COL22A1: variants seen among roughly 807,000 people sequenced by gnomAD.
COL22A1 encodes the protein collagen type XXII alpha 1 chain.
A neutral mutation model predicts 248.9 loss-of-function variants in COL22A1; 221 were observed. The observed-to-expected ratio is 0.89, with a 90% CI of 0.80 to 0.99. The LOEUF (loss-of-function observed/expected upper bound fraction) is 0.99. Among genes scored for constraint, COL22A1 ranks in the 50% least tolerant of loss-of-function variants. The pLI, the probability that COL22A1 is intolerant of heterozygous loss-of-function variation, is 0.00. For missense variants in COL22A1, 2,240 were observed against 2,179.0 expected, an observed-to-expected ratio of 1.03 and a Z score of -0.56; for synonymous variants, 891 against 793.4, an observed-to-expected ratio of 1.12 and a Z score of -2.07.
chr8:138,883,316 G>A (rs901011089), intron 1 of COL22A1, 72 bp from the exon 2 acceptor site: 11 of 797,046 alleles, frequency 1.4e-5, no homozygotes, highest in Non-Finnish European at 1.9e-5. Flanking sequence ...TCTGGGCCCT[G>A]CCCAGGGGGA....
At chr8:138,599,085 A>G (rs771150714) in intron 60 of COL22A1, among the ~76,000 whole-genome samples, 187 bp from the exon 61 acceptor site, 7 of 152,238 alleles carry the variant, frequency 4.6e-5, no homozygotes, top group Non-Finnish European at 1.0e-4. Context: ...TCCTGATTGT[A>G]CAAATGAAAA....
chr8:138,883,108 C>A lies in COL22A1; in HGVS notation c.65G>T (p.Gly22Val), dbSNP rs765957770. Reference sequence around the variant, plus strand: ...TGCCCGCTGAGCCTGGCAGCCGCCGCCCCCACTCCACAGCAGCAGCATCCA... The same window carrying A: ...TGCCCGCTGAGCCTGGCAGCCGCCGACCCCACTCCACAGCAGCAGCATCCA... The part of the protein sequence containing the change: ...LLWMLLLWSG[G>V]GGCQAQRAGC... The change falls in exon 2 of 65, where the codon GGC (glycine) becomes GTC (valine). Residue 22 changes from glycine to valine, a missense_variant. Transcript: ENST00000303045. The A allele has an allele frequency of 6.3e-7, 1 of 1,595,010 alleles. No individual in the cohort carries two copies. The highest frequency in any genetic ancestry group is 1.7e-5 in the Admixed American group (1 of 57,638).
chr8:138,598,664 G>T (rs1817745056), intron 61 of COL22A1, 55 bp downstream of exon 61: 1 of 1,524,410 alleles, frequency 6.6e-7, no homozygotes, highest in African/African-American at 1.4e-5. Context: ...CACTTCCCTG[G>T]CTCCCCCTTA....
Position 138,694,838 on chromosome 8 carries a change from C to A in COL22A1, c.2634G>T (p.Leu878=). ...ACAAGAGACTCACCGGTTCCCCAGG[C>A]AGGCCTGGATCGCCCTTCTCTCCTT... The part of the protein sequence containing the change: ...GPKGEKGDPG[L]PGEPGLQGRP... Residue 878 remains leucine, a synonymous_variant, in exon 33 of 65, where the codon CTG becomes CTT. Coordinates refer to ENST00000303045, the MANE Select transcript of COL22A1 (RefSeq NM_152888.3). The A allele has an allele frequency of 6.2e-7, 1 of 1,614,062 alleles. No individual in the cohort carries two copies. Among genetic ancestry groups the A allele is most frequent in the Non-Finnish European group, 8.5e-7 (1 of 1,179,982 alleles).
intron 47 of COL22A1, among the ~76,000 whole-genome samples, chr8:138,640,754 A>T (rs1401235740): frequency 6.6e-6 from 1 of 152,184 alleles, no homozygotes; most frequent in Non-Finnish European, 1.5e-5. Context: ...CCCCTTGTTC[A>T]GTTCTCGCAT....
At chr8:138,590,014 CAAGT>C (rs1333495952) in intron 64 of COL22A1, among the ~76,000 whole-genome samples, 3 of 151,904 alleles carry the variant, frequency 2.0e-5, no homozygotes, top group African/African-American at 4.8e-5. Flanking sequence ...ATCTAGGATG[CAAGT>C]AAGTGACACT....
intron 39 of COL22A1, among the ~76,000 whole-genome samples, chr8:138,680,300 G>A (rs1279655792): frequency 6.6e-6 from 1 of 152,124 alleles, no homozygotes; most frequent in Non-Finnish European, 1.5e-5. Context: ...ATCTCCTGAG[G>A]AGCCCTGTAG....
intron 1 of COL22A1, among the ~76,000 whole-genome samples, chr8:138,894,053 G>A (rs1825236506): frequency 6.6e-6 from 1 of 152,224 alleles, no homozygotes; most frequent in South Asian, 2.1e-4. Context: ...AAGGAGCACA[G>A]TAGTTTGGAG....
chr8:138,862,768 T>A (rs1822579494), intron 3 of COL22A1, among the ~76,000 whole-genome samples: 1 of 152,078 alleles, frequency 6.6e-6, no homozygotes, highest in South Asian at 2.1e-4. Context: ...GGTTTTTTTT[T>A]TTTTTTTTCA....
In COL22A1 at chr8:138,865,497, G is replaced by A. The variant is rs539223890; in HGVS notation, c.658+12253C>T. 2.1e-5 allele frequency among the ~76,000 whole-genome samples: 3 copies of A among 144,496 alleles called. No individual in the cohort carries two copies. The South Asian group carries it at 6.3e-4, about 31-fold the overall frequency. 94.8% of individuals were successfully genotyped at this position (144,496 alleles called of 152,430 possible). A position where few individuals can be genotyped will look rare whatever the true frequency, so the allele number is the denominator to read the frequency against. ...CTTATGTTTGTATGCATGTGTATGT[G>A]TGTGTATGTTTGTATGCCTGTGTGT... On this transcript the variant is annotated intron_variant, in intron 3 of 64. Coordinates refer to ENST00000303045, the MANE Select transcript of COL22A1 (RefSeq NM_152888.3).
chr8:138,628,978 C>G (rs960840593), intron 50 of COL22A1, among the ~76,000 whole-genome samples: 1 of 150,404 alleles, frequency 6.6e-6, no homozygotes, highest in African/African-American at 2.5e-5. Context: ...CCAGGCTGAT[C>G]TTGAACTCCT....
intron 1 of COL22A1, among the ~76,000 whole-genome samples, chr8:138,885,604 GGA>G (rs1824607129): frequency 6.6e-6 from 1 of 151,702 alleles, no homozygotes; most frequent in South Asian, 2.1e-4. Context: ...TTTTTCTGAT[GGA>G]GTTTCACTCT....
chr8:138,674,342 C>T (rs1284975058), intron 41 of COL22A1, among the ~76,000 whole-genome samples: 1 of 152,098 alleles, frequency 6.6e-6, no homozygotes, highest in African/African-American at 2.4e-5. Context: ...CCCACGCTGA[C>T]CCCTTCTTCA....
At chr8:138,858,728 G>A (rs1489253368) in intron 3 of COL22A1, among the ~76,000 whole-genome samples, 1 of 152,162 alleles carries the variant, frequency 6.6e-6, no homozygotes, top group African/African-American at 2.4e-5. Context: ...TGAGCAGGCA[G>A]GCAGGCAGGA....
intron 27 of COL22A1, among the ~76,000 whole-genome samples, chr8:138,719,626 G>A (rs1018852284): frequency 6.6e-6 from 1 of 152,122 alleles, no homozygotes; most frequent in African/African-American, 2.4e-5. Flanking sequence ...GGAACATAAG[G>A]GCCCGGGATG....
intron 37 of COL22A1, 149 bp from the exon 38 acceptor site, chr8:138,685,461 A>C (rs1183732553): frequency 4.2e-6 from 3 of 707,396 alleles, no homozygotes; most frequent in Admixed American, 5.4e-5. Flanking sequence ...AGAAAGATGG[A>C]CTGTGTAATG....
intron 16 of COL22A1, among the ~76,000 whole-genome samples, chr8:138,771,580 G>A (rs571077673): frequency 3.3e-5 from 5 of 152,320 alleles, no homozygotes; most frequent in East Asian, 3.9e-4. Flanking sequence ...CTGGAAAAAC[G>A]TCCAACGCTA....
At chr8:138,910,196 AT>A (rs1815354316) in intron 1 of COL22A1, among the ~76,000 whole-genome samples, 1 of 152,214 alleles carries the variant, frequency 6.6e-6, no homozygotes, top group Non-Finnish European at 1.5e-5. Flanking sequence ...TCACTCATTG[AT>A]TCAACAAACC....
chr8:138,600,755 A>G (rs2131827298), intron 60 of COL22A1, among the ~76,000 whole-genome samples: 1 of 152,374 alleles, frequency 6.6e-6, no homozygotes, highest in East Asian at 1.9e-4. Flanking sequence ...AGCCAGGTCC[A>G]AAGAAGTCAC....
Sources: allele counts gnomAD v4.1 joint callset (sites outside exome capture counted in the v4.1 genomes callset), GRCh38; gene constraint gnomAD v4.1.1; transcripts MANE v1.5; gene names NCBI Gene and HGNC (gene_info 2026-07-23, HGNC 2026-07-21).